Variants in SI observed in about 807,000 individuals in gnomAD.
SI encodes the protein sucrase-isomaltase.
SI carries 235 observed loss-of-function variants against 253.3 expected under a neutral mutation model. The ratio of observed to expected loss-of-function variants is 0.93; its 90% confidence interval spans 0.83 to 1.03. The LOEUF (loss-of-function observed/expected upper bound fraction) is 1.03, where lower values mean the gene tolerates loss of function less well. Ranked by LOEUF, SI falls within the 50% of genes least tolerant of loss-of-function variation. The probability of loss-of-function intolerance (pLI) is 0.00; values close to 1 mark genes in which losing one functional copy is unlikely to be tolerated. For synonymous variants in SI, 819 were observed against 712.0 expected (o/e 1.15, Z -2.39); for missense variants, 2,442 against 2,211.1 (o/e 1.10, Z -2.09).
At chr3:164,990,824 A>G (rs1717696352) in intron 44 of SI, among the ~76,000 whole-genome samples, 1 of 152,072 alleles carries the variant, frequency 6.6e-6, no homozygotes, top group Non-Finnish European at 1.5e-5. Flanking sequence ...GGTGCAGCAC[A>G]CCAACATGGC....
chr3:165,012,358 T>A (rs753484171), intron 34 of SI, among the ~76,000 whole-genome samples: 5 of 152,194 alleles, frequency 3.3e-5, no homozygotes, highest in Non-Finnish European at 1.5e-5. Flanking sequence ...ATTTATTATA[T>A]GAATAAACAT....
chr3:165,009,745 T>G (rs1222485379), intron 34 of SI, among the ~76,000 whole-genome samples: 1 of 152,104 alleles, frequency 6.6e-6, no homozygotes, highest in African/African-American at 2.4e-5. Context: ...TGGAGCACAA[T>G]GAAACAGCAA....
chr3:165,065,416 C>A lies in SI; in HGVS notation c.652G>T (p.Gly218Cys), dbSNP rs374734531. ...NGKTLFDTSI[G>C]PLVYSDQYLQ... ...TACTGGTCAGAGTACACTAAGGGAC[C>A]AATGCTGGTGTCAAACCTGCACCAT... The change falls in exon 7 of 48, where the codon GGT becomes TGT. Residue 218 changes from glycine to cysteine, a missense_variant. Coordinates refer to ENST00000264382, the MANE Select transcript of SI (RefSeq NM_001041.4). 1.3e-6 allele frequency: 2 copies of A among 1,520,154 alleles called. No individual in the cohort carries two copies. Among genetic ancestry groups the A allele is most frequent in the Non-Finnish European group, 8.9e-7 (1 of 1,117,952 alleles). The allele number at this position is 1,520,154 out of a possible 1,614,324, so 94.2% of individuals were successfully genotyped here.
rs759447493 is a variant in SI at position 164,994,372 on chromosome 3, C to T, written c.4726G>A (p.Ala1576Thr). The change falls in exon 41 of 48, where the codon GCT becomes ACT. Residue 1576 changes from alanine (A) to threonine (T), a missense_variant. Coordinates refer to ENST00000264382, the MANE Select transcript of SI (RefSeq NM_001041.4). ...QDPASWNETFAEMSRNILNIR... is the reference protein window; with the variant it reads ...QDPASWNETFTEMSRNILNIR... ...TTTAGAATATTCCTTGACATTTCAG[C>T]AAAAGTTTCATTCCAGGAAGCGGGA... The T allele has an allele frequency of 6.2e-7, 1 of 1,610,982 alleles. No individual in the cohort carries two copies. The highest frequency in any genetic ancestry group is 8.5e-7 in the Non-Finnish European group (1 of 1,177,860).
chr3:165,039,023 G>T (rs1712679232), intron 20 of SI, 55 bp downstream of exon 20: 1 of 1,105,368 alleles, frequency 9.0e-7, no homozygotes. Flanking sequence ...TTTCTATGTA[G>T]AAGTGTTTGA....
chr3:164,997,987 A>G (rs1718093702), intron 38 of SI, among the ~76,000 whole-genome samples: 1 of 151,674 alleles, frequency 6.6e-6, no homozygotes, highest in Non-Finnish European at 1.5e-5. Context: ...TGTTGTAATG[A>G]ACCTTCTTGT....
At position 164,983,001 on chromosome 3, in the gene SI, C is replaced by T. The variant is rs1034557983; in HGVS notation, c.5247+1G>A. On this transcript the variant is annotated splice_donor_variant, in intron 46 of 47. Transcript: ENST00000264382. LOFTEE classifies it high-confidence loss of function. ...AATTGCATATAAATAATCTTACATA[C>T]CTGGTTTAAATTAAATTGTACAGAT... The T allele has an allele frequency of 1.9e-5, 30 of 1,552,600 alleles. No individual in the cohort carries two copies. The highest frequency in any genetic ancestry group is 2.5e-5 in the Non-Finnish European group (28 of 1,133,386).
rs114165430 is a variant in SI, at chr3:165,001,687, A to C, written c.4407-3014T>G. On this transcript the variant is annotated intron_variant, in intron 37 of 47. Transcript: ENST00000264382. ...AATGTCTGAAAGACATGCATTTACT[A>C]TCCGGTCTTGAGACGAACAGCTGAT... 1.9e-3 allele frequency among the ~76,000 whole-genome samples: 282 copies of C among 151,584 alleles called. 2 individuals are homozygous for C. Among genetic ancestry groups the C allele is most frequent in the African/African-American group, 6.2e-3 (258 of 41,518 alleles).
chr3:165,017,693 G>A lies in SI; in HGVS notation c.3634-20C>T. 1 of 1,611,106 alleles carries A rather than the reference G, an allele frequency of 6.2e-7. No individual in the cohort carries two copies. The highest frequency in any genetic ancestry group is 8.5e-7 in the Non-Finnish European group (1 of 1,177,950). On this transcript the variant is annotated intron_variant, in intron 30 of 47. Transcript: ENST00000264382. Reference sequence around the variant, plus strand: ...AATTACCTTTAAAAAAAATTCATGTGTGAACTAAGAGAATTACTTTATGCT... The same window carrying A: ...AATTACCTTTAAAAAAAATTCATGTATGAACTAAGAGAATTACTTTATGCT...
chr3:165,021,491 T>C, intron 26 of SI, 108 bp from the exon 27 acceptor site: 1 of 883,410 alleles, frequency 1.1e-6, no homozygotes, highest in Non-Finnish European at 1.8e-6. Flanking sequence ...AGAATTTTTC[T>C]CCACATAATT....
At chr3:165,012,859 G>T in intron 34 of SI, 121 bp downstream of exon 34, 1 of 761,552 alleles carries the variant, frequency 1.3e-6, no homozygotes, top group South Asian at 1.4e-5. Context: ...GTCTGATATC[G>T]ATAATTTAAA....
rs527526826 is a variant in SI, at chr3:165,023,688, C to T, written c.2981G>A (p.Gly994Asp). 6.2e-7 allele frequency: 1 copy of T among 1,610,654 alleles called. No homozygotes were observed. Among genetic ancestry groups the T allele is most frequent in the South Asian group, 1.1e-5 (1 of 91,052 alleles). Residue 994 changes from glycine to aspartate, a missense_variant, in exon 26 of 48, where the codon GGT becomes GAT. Transcript: ENST00000264382. ...ATTTAGTTGGAGGTCAGCTGTTATA[C>T]CCATGGATGAATAGCGAGCTGAGTT... ...SVNSARYSSM[G>D]ITADLQLNTA...
At chr3:165,015,653 A>G (rs1718987481) in intron 32 of SI, among the ~76,000 whole-genome samples, 1 of 152,070 alleles carries the variant, frequency 6.6e-6, no homozygotes, top group Non-Finnish European at 1.5e-5. Context: ...AAAATCTACC[A>G]TTACATTTTG....
At chr3:165,026,334 C>T (rs891129510) in intron 25 of SI, among the ~76,000 whole-genome samples, 2 of 151,284 alleles carry the variant, frequency 1.3e-5, no homozygotes, top group African/African-American at 4.8e-5. Flanking sequence ...ATTTATAAAA[C>T]AATTACTAAT....
At chr3:165,050,411 C>T (rs992274979) in intron 13 of SI, among the ~76,000 whole-genome samples, 1 of 151,778 alleles carries the variant, frequency 6.6e-6, no homozygotes, top group Non-Finnish European at 1.5e-5. Flanking sequence ...TTCAGAGAAC[C>T]CCAGGTGAGC....
intron 19 of SI, 60 bp from the exon 20 acceptor site, chr3:165,039,194 A>T (rs1028334254): frequency 1.0e-5 from 12 of 1,182,324 alleles, no homozygotes; most frequent in African/African-American, 1.5e-5. Flanking sequence ...GATCTTATCA[A>T]ATATTAAGTT....
At chr3:165,075,141 G>A (rs866424434) in intron 2 of SI, among the ~76,000 whole-genome samples, 7 of 151,898 alleles carry the variant, frequency 4.6e-5, no homozygotes, top group East Asian at 3.9e-4. Context: ...CTGGAATAGC[G>A]AAGAATGGTA....
intron 5 of SI, among the ~76,000 whole-genome samples, 175 bp downstream of exon 5, chr3:165,068,547 G>T (rs562659788): frequency 6.6e-6 from 1 of 152,048 alleles, no homozygotes; most frequent in Non-Finnish European, 1.5e-5. Flanking sequence ...CTAATTTTTC[G>T]TATTTTTAAT....
chr3:165,003,423 A>T (rs955657489), intron 37 of SI, among the ~76,000 whole-genome samples: 1 of 151,990 alleles, frequency 6.6e-6, no homozygotes, highest in South Asian at 2.1e-4. Context: ...CAAAAGTAAC[A>T]TTTGCCCCAG....
Sources: gnomAD v4.1 joint callset for allele counts (sites outside exome capture counted in the v4.1 genomes callset) on GRCh38, gnomAD v4.1.1 for gene constraint, MANE v1.5 for transcripts, NCBI Gene and HGNC (gene_info 2026-07-23, HGNC 2026-07-21) for gene names.